TMEM135: variants seen among roughly 807,000 people sequenced by gnomAD.
The protein encoded by TMEM135 is transmembrane protein 135.
Under a neutral mutation model 60.3 loss-of-function variants are expected in TMEM135, and 30 were observed. That is an observed-to-expected ratio of 0.50 (90% CI 0.37 to 0.68). The LOEUF is 0.68. TMEM135 is among the 30% of genes least tolerant of loss of function. The probability of loss-of-function intolerance (pLI) is 0.00; values close to 1 mark genes in which losing one functional copy is unlikely to be tolerated. For synonymous variants in TMEM135, 190 were observed against 186.7 expected (o/e 1.02, Z -0.14); for missense variants, 468 against 548.8 (o/e 0.85, Z 1.47).
chr11:87,055,710 C>T, intron 1 of TMEM135, among the ~76,000 whole-genome samples: 1 of 152,074 alleles, frequency 6.6e-6, no homozygotes, highest in South Asian at 2.1e-4. Context: ...CCTGCCTCAG[C>T]CTCCTGTGTA....
chr11:87,249,069 A>G (rs1404207130), intron 6 of TMEM135, among the ~76,000 whole-genome samples: 6 of 152,054 alleles, frequency 3.9e-5, no homozygotes, highest in African/African-American at 1.4e-4. Flanking sequence ...TTTGTTTCCA[A>G]TTTGAATTTC....
chr11:87,199,314 A>G (rs1192062737), intron 5 of TMEM135, among the ~76,000 whole-genome samples: 1 of 152,098 alleles, frequency 6.6e-6, no homozygotes, highest in East Asian at 1.9e-4. Flanking sequence ...GAGGATGGAA[A>G]CCTCCTTGTA....
chr11:87,278,587 T>C (rs928861641), intron 6 of TMEM135, among the ~76,000 whole-genome samples: 1 of 152,134 alleles, frequency 6.6e-6, no homozygotes, highest in Non-Finnish European at 1.5e-5. Flanking sequence ...TTGCCCAGGC[T>C]GGTCTCGAAC....
At chr11:87,112,946 A>T (rs1266527042) in intron 4 of TMEM135, among the ~76,000 whole-genome samples, 1 of 152,092 alleles carries the variant, frequency 6.6e-6, no homozygotes. Flanking sequence ...GCCTAGATGT[A>T]TCCTATAATG....
At chr11:87,247,629 C>T (rs1436231512) in intron 6 of TMEM135, among the ~76,000 whole-genome samples, 2 of 152,170 alleles carry the variant, frequency 1.3e-5, no homozygotes, top group Admixed American at 6.5e-5. Flanking sequence ...AGCAGTCAGT[C>T]AGACTCCGTG....
At chr11:87,251,107 G>A (rs1447981350) in intron 6 of TMEM135, among the ~76,000 whole-genome samples, 3 of 152,126 alleles carry the variant, frequency 2.0e-5, no homozygotes, top group African/African-American at 4.8e-5. Flanking sequence ...TGAGGCTGAG[G>A]TTCTTTTATG....
intron 1 of TMEM135, among the ~76,000 whole-genome samples, chr11:87,067,232 A>T (rs1211597858): frequency 1.4e-5 from 2 of 147,064 alleles, no homozygotes; most frequent in Non-Finnish European, 3.0e-5. Context: ...GTATATATAT[A>T]TTTTTTTTTC....
intron 6 of TMEM135, among the ~76,000 whole-genome samples, chr11:87,287,545 C>T (rs1471702599): frequency 6.6e-6 from 1 of 152,128 alleles, no homozygotes; most frequent in Non-Finnish European, 1.5e-5. Context: ...GGCCTAGTGG[C>T]AGGTGCCTAT....
At chr11:87,302,494 T>C in intron 8 of TMEM135, 52 bp downstream of exon 8, 1 of 1,608,496 alleles carries the variant, frequency 6.2e-7, no homozygotes, top group Non-Finnish European at 8.5e-7. Flanking sequence ...TTTCATATGA[T>C]ATTTGTACCA....
At chr11:87,249,296 A>G (rs1316720857) in intron 6 of TMEM135, among the ~76,000 whole-genome samples, 1 of 152,160 alleles carries the variant, frequency 6.6e-6, no homozygotes, top group African/African-American at 2.4e-5. Context: ...GGTTTTTATC[A>G]TGAAAAGATG....
chr11:87,210,703 A>C (rs766652815), intron 5 of TMEM135, among the ~76,000 whole-genome samples: 1 of 152,136 alleles, frequency 6.6e-6, no homozygotes, highest in African/African-American at 2.4e-5. Flanking sequence ...CAAAAAAGGA[A>C]AACTTAAGGC....
intron 1 of TMEM135, among the ~76,000 whole-genome samples, chr11:87,055,739 C>G (rs752963040): frequency 6.6e-6 from 1 of 151,992 alleles, no homozygotes; most frequent in Non-Finnish European, 1.5e-5. Context: ...TACAAGTATG[C>G]GCCACCATGC....
chr11:87,135,166 T>A (rs545644854), intron 4 of TMEM135, among the ~76,000 whole-genome samples: 2 of 152,068 alleles, frequency 1.3e-5, no homozygotes, highest in Non-Finnish European at 2.9e-5. Context: ...TTGTAAAAAA[T>A]TTTTTTCCAT....
rs761372629 is a variant in TMEM135 at position 87,194,698 on chromosome 11, C to A, written c.462+37292C>A. 4.3e-4 allele frequency among the ~76,000 whole-genome samples: 65 copies of A among 152,176 alleles called. No individual in the cohort carries two copies. The Middle Eastern group carries it at 0.014, about 32-fold the overall frequency. On this transcript the variant is annotated intron_variant, in intron 5 of 14. Transcript: ENST00000305494. ...CAAGATTCCTGTTGCTCTTCATATT[C>A]TCTGTTCATCTTCCATAATTCTCTT... is the stretch of plus-strand genomic sequence containing the variant.
chr11:87,102,704 G>GTATGTGTGTA (rs1591020823), intron 4 of TMEM135, among the ~76,000 whole-genome samples: 1 of 131,668 alleles, frequency 7.6e-6, no homozygotes, highest in South Asian at 2.2e-4. Context: ...ATATATATAT[G>GTATGTGTGTA]TATATATATG....
At chr11:87,248,020 TA>T (rs937741409) in intron 6 of TMEM135, among the ~76,000 whole-genome samples, 160 of 20,192 alleles carry the variant, frequency 7.9e-3, no homozygotes, top group Middle Eastern at 0.024. Context: ...ATAGCCTTTT[TA>T]AAAAAAAAAA....
In TMEM135 at chr11:87,306,045, A is replaced by G. The variant is rs753362210; in HGVS notation, c.768+40A>G. 1.5e-5 allele frequency: 18 copies of G among 1,188,788 alleles called. No individual in the cohort carries two copies. The Admixed American group carries it at 1.6e-4, about 10-fold the overall frequency. The allele number at this position is 1,188,788 out of a possible 1,614,324, so 73.6% of individuals were successfully genotyped here. ...GTATGTACTTTATTAACAGTAGGGA[A>G]TGGGTATAGAAATTATTTATTTATT... On this transcript the variant is annotated intron_variant, in intron 9 of 14. Transcript: ENST00000305494.
At chr11:87,251,613 A>G (rs1413914342) in intron 6 of TMEM135, among the ~76,000 whole-genome samples, 1 of 151,930 alleles carries the variant, frequency 6.6e-6, no homozygotes, top group Non-Finnish European at 1.5e-5. Context: ...ATGTTACCAT[A>G]TATACATGTA....
intron 6 of TMEM135, among the ~76,000 whole-genome samples, chr11:87,286,206 C>T (rs979248316): frequency 6.6e-6 from 1 of 151,618 alleles, no homozygotes; most frequent in East Asian, 1.9e-4. Flanking sequence ...AAACCTTGAG[C>T]TAGACACAGG....
Sources: gnomAD v4.1 joint callset for allele counts (sites outside exome capture counted in the v4.1 genomes callset) on GRCh38, gnomAD v4.1.1 for gene constraint, MANE v1.5 for transcripts, NCBI Gene and HGNC (gene_info 2026-07-23, HGNC 2026-07-21) for gene names.